RALGPS1: variants seen among roughly 807,000 people sequenced by gnomAD.
RALGPS1 encodes the protein ras-specific guanine nucleotide-releasing factor RalGPS1.
Under a neutral mutation model 78.8 loss-of-function variants are expected in RALGPS1, and 19 were observed. The observed-to-expected ratio is 0.24, with a 90% CI of 0.17 to 0.35. The LOEUF (loss-of-function observed/expected upper bound fraction) is 0.35, where lower values mean the gene tolerates loss of function less well. Ranked by LOEUF, RALGPS1 falls within the 10% of genes least tolerant of loss-of-function variation. RALGPS1 has a pLI of 1.00. For synonymous variants in RALGPS1, 228 were observed against 256.3 expected, an observed-to-expected ratio of 0.89 and a Z score of 1.06; for missense variants, 454 against 688.3, an observed-to-expected ratio of 0.66 and a Z score of 3.81.
intron 8 of RALGPS1, among the ~76,000 whole-genome samples, chr9:127,138,235 C>T (rs553010987): frequency 6.6e-6 from 1 of 152,210 alleles, no homozygotes; most frequent in African/African-American, 2.4e-5. Context: ...AATGTTAGAG[C>T]TGTAAGTTCC....
At chr9:127,102,551 A>G (rs1214717386) in intron 8 of RALGPS1, among the ~76,000 whole-genome samples, 2 of 152,176 alleles carry the variant, frequency 1.3e-5, no homozygotes, top group Non-Finnish European at 2.9e-5. Context: ...TAACAAGTTG[A>G]TAGTTTATCT....
At chr9:127,159,906 T>C (rs2058923999) in intron 8 of RALGPS1, among the ~76,000 whole-genome samples, 1 of 152,224 alleles carries the variant, frequency 6.6e-6, no homozygotes, top group Non-Finnish European at 1.5e-5. Flanking sequence ...AAAAAGTCTT[T>C]CATCTCAAAC....
intron 17 of RALGPS1, among the ~76,000 whole-genome samples, chr9:127,213,474 C>T (rs2062398939): frequency 6.6e-6 from 1 of 152,188 alleles, no homozygotes; most frequent in African/African-American, 2.4e-5. Flanking sequence ...GAGAAGAACC[C>T]TTTTAACTTC....
At chr9:127,133,296 C>T (rs1374332694) in intron 8 of RALGPS1, among the ~76,000 whole-genome samples, 2 of 152,228 alleles carry the variant, frequency 1.3e-5, no homozygotes, top group Non-Finnish European at 2.9e-5. Context: ...GGCAGCCTAG[C>T]AGAGAGTGAG....
chr9:127,104,318 T>C (rs1785743797), intron 8 of RALGPS1, among the ~76,000 whole-genome samples: 1 of 152,220 alleles, frequency 6.6e-6, no homozygotes, highest in African/African-American at 2.4e-5. Context: ...GCAGGAGGGC[T>C]GGCAAATGTG....
At chr9:127,050,996 G>T (rs2048262527) in intron 6 of RALGPS1, among the ~76,000 whole-genome samples, 1 of 152,216 alleles carries the variant, frequency 6.6e-6, no homozygotes, top group Non-Finnish European at 1.5e-5. Context: ...TTAGAGAGGT[G>T]AAGTGTCCAT....
intron 1 of RALGPS1, among the ~76,000 whole-genome samples, chr9:126,932,053 A>G (rs1588492278): frequency 6.6e-6 from 1 of 151,894 alleles, no homozygotes; most frequent in Non-Finnish European, 1.5e-5. Flanking sequence ...ATACTTGGCC[A>G]TGGTGGAAAC....
At chr9:127,007,241 C>A (rs1383608962) in intron 4 of RALGPS1, among the ~76,000 whole-genome samples, 2 of 152,192 alleles carry the variant, frequency 1.3e-5, no homozygotes, top group Non-Finnish European at 2.9e-5. Flanking sequence ...GCTCTATTTT[C>A]TGGAAAACTT....
intron 8 of RALGPS1, among the ~76,000 whole-genome samples, chr9:127,076,015 A>G (rs2050646946): frequency 6.6e-6 from 1 of 152,240 alleles, no homozygotes; most frequent in South Asian, 2.1e-4. Flanking sequence ...AATTTTAAAA[A>G]TACTGAGGGA....
chr9:127,152,834 T>G (rs2139131668), intron 8 of RALGPS1, among the ~76,000 whole-genome samples: 1 of 152,314 alleles, frequency 6.6e-6, no homozygotes, highest in South Asian at 2.1e-4. Flanking sequence ...GAATTTTTTC[T>G]CAAGTAACTT....
chr9:126,999,472 C>A (rs930227860), intron 4 of RALGPS1, among the ~76,000 whole-genome samples: 1 of 152,112 alleles, frequency 6.6e-6, no homozygotes, highest in Non-Finnish European at 1.5e-5. Context: ...CCTCTGTGCC[C>A]CACCTATTCA....
chr9:127,106,306 C>T (rs1215559716), intron 8 of RALGPS1, among the ~76,000 whole-genome samples: 1 of 152,162 alleles, frequency 6.6e-6, no homozygotes, highest in Admixed American at 6.5e-5. Context: ...ACACACCCTG[C>T]CCTCTCTTTC....
chr9:127,093,472 G>A (rs1564563873), intron 8 of RALGPS1, among the ~76,000 whole-genome samples: 1 of 152,216 alleles, frequency 6.6e-6, no homozygotes, highest in Non-Finnish European at 1.5e-5. Flanking sequence ...GGGCTGTGGT[G>A]GTCTGGTCTA....
intron 1 of RALGPS1, among the ~76,000 whole-genome samples, chr9:126,927,320 G>A (rs902651723): frequency 1.1e-4 from 17 of 152,100 alleles, no homozygotes; most frequent in African/African-American, 3.9e-4. Context: ...CATGAGAGGT[G>A]GAAGTGGAAG....
At chr9:127,187,166 G>T (rs927951643) in intron 11 of RALGPS1, among the ~76,000 whole-genome samples, 2 of 152,196 alleles carry the variant, frequency 1.3e-5, no homozygotes, top group Non-Finnish European at 2.9e-5. Flanking sequence ...ACAGGACTTG[G>T]AAGTGTTTAC....
In RALGPS1 at chr9:127,120,744, C is replaced by T. The variant is rs576452422; in HGVS notation, c.611-45325C>T. Reference sequence around the variant, plus strand: ...TCGGGAGGCTGAGGCAGGAGAATGGCGTGAACCCAGCAGGCGGAGTTTGCA... The same window carrying T: ...TCGGGAGGCTGAGGCAGGAGAATGGTGTGAACCCAGCAGGCGGAGTTTGCA... On this transcript the variant is annotated intron_variant, in intron 8 of 18. Transcript: ENST00000259351. Among the ~76,000 whole-genome samples, 10 of 151,870 alleles carry T rather than the reference C, an allele frequency of 6.6e-5. No homozygotes were observed. The Middle Eastern group carries it at 0.01, about 155-fold the overall frequency.
chr9:127,172,847 C>T (rs755951471), intron 10 of RALGPS1, among the ~76,000 whole-genome samples: 28 of 152,226 alleles, frequency 1.8e-4, no homozygotes, highest in South Asian at 4.2e-4. Context: ...GCTGCCTTCT[C>T]GGTTGGGCCA....
chr9:126,994,313 A>C (rs1393432086), intron 4 of RALGPS1, among the ~76,000 whole-genome samples: 6 of 152,184 alleles, frequency 3.9e-5, no homozygotes, highest in Non-Finnish European at 4.4e-5. Context: ...AACTAGAATA[A>C]CCAATGCAGA....
rs1369661004 is a variant in RALGPS1, at chr9:127,199,037, T to C, written c.1218T>C (p.Phe406=). The C allele has an allele frequency of 6.2e-7, 1 of 1,614,118 alleles. No homozygotes were observed. Among genetic ancestry groups the C allele is most frequent in the Admixed American group, 1.7e-5 (1 of 60,034 alleles). Residue 406 remains phenylalanine, a synonymous_variant, in exon 14 of 19, where the codon TTT becomes TTC. Coordinates refer to ENST00000259351, the MANE Select transcript of RALGPS1 (RefSeq NM_014636.3). ...LSLGSSESSE[F]SEEMSSGLES... is the part of the protein sequence containing the mutation. ...CAGGCAGTAGTGAGAGCTCAGAGTT[T>C]AGTGAAGAGATGTCTTCAGGGCTGG...
Sources: allele counts gnomAD v4.1 joint callset (sites outside exome capture counted in the v4.1 genomes callset), GRCh38; gene constraint gnomAD v4.1.1; transcripts MANE v1.5; gene names NCBI Gene and HGNC (gene_info 2026-07-23, HGNC 2026-07-21).